SLC1A3: variants seen among roughly 807,000 people sequenced by gnomAD.
SLC1A3 encodes solute carrier family 1 member 3.
SLC1A3 carries 21 observed loss-of-function variants against 48.1 expected under a neutral mutation model. The ratio of observed to expected loss-of-function variants is 0.44; its 90% CI spans 0.31 to 0.63. The LOEUF (loss-of-function observed/expected upper bound fraction) is 0.63. Ranked by LOEUF, SLC1A3 falls within the 20% of genes least tolerant of loss-of-function variation. The pLI is 0.08. For synonymous variants in SLC1A3, 239 were observed against 251.4 expected, an observed-to-expected ratio of 0.95 and a Z score of 0.47; for missense variants, 546 against 689.0, an observed-to-expected ratio of 0.79 and a Z score of 2.32.
At position 36,679,689 on chromosome 5, in the gene SLC1A3, G is replaced by A; in HGVS notation, c.923G>A (p.Gly308Asp). The change falls in exon 7 of 10, where the codon GGT (glycine) becomes GAT (aspartate). Residue 308 changes from glycine to aspartate, a missense_variant. Physicochemically the swap from Gly to Asp is moderately conservative, Grantham distance 94 (BLOSUM62 -1). Transcript: ENST00000265113. Reference sequence around the variant, plus strand: ...AAGATTGTGGAGATGGAAGACATGGGTGTGATTGGGGGGCAGCTTGCCATG... The same window carrying A: ...AAGATTGTGGAGATGGAAGACATGGATGTGATTGGGGGGCAGCTTGCCATG... ...AGKIVEMEDM[G>D]VIGGQLAMYT... is the part of the protein sequence containing the mutation. 6.2e-7 allele frequency: 1 copy of A among 1,614,178 alleles called. No homozygotes were observed. The highest frequency in any genetic ancestry group is 8.5e-7 in the Non-Finnish European group (1 of 1,180,028).
chr5:36,654,267 C>G (rs1247143859), intron 3 of SLC1A3, among the ~76,000 whole-genome samples: 2 of 152,202 alleles, frequency 1.3e-5, no homozygotes, highest in Admixed American at 6.5e-5. Context: ...AGAAAACACT[C>G]TGTGAGTGGG....
At chr5:36,632,496 C>T (rs1740173549) in intron 3 of SLC1A3, among the ~76,000 whole-genome samples, 1 of 152,232 alleles carries the variant, frequency 6.6e-6, no homozygotes, top group African/African-American at 2.4e-5. Flanking sequence ...AAAGCCTCTT[C>T]TCTCCATCTT....
At chr5:36,597,176 A>G (rs1738752184) in intron 1 of SLC1A3, among the ~76,000 whole-genome samples, 1 of 149,202 alleles carries the variant, frequency 6.7e-6, no homozygotes, top group Non-Finnish European at 1.5e-5. Context: ...TCCAAAGTGC[A>G]TTAATATAAA....
chr5:36,612,850 G>C (rs1227562545), intron 2 of SLC1A3: 1 of 455,834 alleles, frequency 2.2e-6, no homozygotes, highest in Admixed American at 2.4e-5. Flanking sequence ...CACTGTTCTG[G>C]GTGCTATAAC....
chr5:36,602,007 G>C (rs528619887), upstream of SLC1A3, among the ~76,000 whole-genome samples: 1 of 152,244 alleles, frequency 6.6e-6, no homozygotes, highest in Non-Finnish European at 1.5e-5. Context: ...TCTAGACAGG[G>C]AGAATTGCAG....
intron 3 of SLC1A3, among the ~76,000 whole-genome samples, chr5:36,651,459 T>C (rs2111848031): frequency 6.6e-6 from 1 of 152,242 alleles, no homozygotes; most frequent in Admixed American, 6.5e-5. Context: ...TTCCCCACAT[T>C]GCTTTTGGAA....
chr5:36,603,983 T>C (rs939212123), upstream of SLC1A3, among the ~76,000 whole-genome samples: 2 of 152,238 alleles, frequency 1.3e-5, no homozygotes, highest in African/African-American at 4.8e-5. Context: ...GCCTGTACCA[T>C]GCTAAGATCA....
At chr5:36,681,827 TA>T (rs1580048591) in intron 8 of SLC1A3, among the ~76,000 whole-genome samples, 1 of 152,296 alleles carries the variant, frequency 6.6e-6, no homozygotes, top group East Asian at 1.9e-4. Context: ...GGGTTTTTTT[TA>T]AATTGTTATT....
chr5:36,673,922 A>G, intron 4 of SLC1A3, 127 bp from the exon 5 acceptor site: 1 of 778,246 alleles, frequency 1.3e-6, no homozygotes, highest in Admixed American at 1.8e-5. Context: ...AAAATCCACT[A>G]ACATTTTTGT....
At chr5:36,673,292 T>C (rs984806248) in intron 4 of SLC1A3, among the ~76,000 whole-genome samples, 5 of 152,174 alleles carry the variant, frequency 3.3e-5, no homozygotes, top group Non-Finnish European at 7.3e-5. Flanking sequence ...TCTTTCATCT[T>C]GGAGCTCTAA....
intron 3 of SLC1A3, among the ~76,000 whole-genome samples, chr5:36,649,652 T>G (rs997713657): frequency 4.6e-5 from 7 of 152,224 alleles, no homozygotes; most frequent in Admixed American, 4.6e-4. Flanking sequence ...ACAGTTCACT[T>G]TGAGAAAATA....
intron 7 of SLC1A3, 56 bp from the exon 8 acceptor site, chr5:36,680,339 A>G (rs1196706259): frequency 2.3e-5 from 33 of 1,460,536 alleles, no homozygotes; most frequent in Non-Finnish European, 3.2e-5. Context: ...CCAAACGCAC[A>G]GACAGTCAGA....
chr5:36,671,002 T>G, intron 3 of SLC1A3, 27 bp from the exon 4 acceptor site: 3 of 1,606,834 alleles, frequency 1.9e-6, no homozygotes, highest in Non-Finnish European at 8.5e-7. Context: ...ACTGACTTCC[T>G]GAAAATCTTC....
intron 5 of SLC1A3, among the ~76,000 whole-genome samples, chr5:36,674,669 G>T (rs764670449): frequency 6.6e-6 from 1 of 152,036 alleles, no homozygotes; most frequent in African/African-American, 2.4e-5. Flanking sequence ...TTTCACTGAT[G>T]GGGCAGCTCA....
At chr5:36,673,337 A>G (rs1207970135) in intron 4 of SLC1A3, among the ~76,000 whole-genome samples, 1 of 152,220 alleles carries the variant, frequency 6.6e-6, no homozygotes, top group East Asian at 1.9e-4. Context: ...TTAAGAGATG[A>G]GTCAAATGAG....
intron 1 of SLC1A3, among the ~76,000 whole-genome samples, chr5:36,600,653 G>A (rs137902432): frequency 1.1e-3 from 168 of 152,242 alleles, no homozygotes; most frequent in African/African-American, 3.9e-3. Flanking sequence ...AAAATGAACT[G>A]CCTCATAAGG....
Position 36,676,999 on chromosome 5 carries a change from C to G in SLC1A3, c.675C>G (p.Thr225=), listed in dbSNP as rs564543974. ...TGTCTGAGGCCATGGAGACTCTTAC[C>G]CGAATCACAGAGGAGCTGGTCCCAG... is the stretch of plus-strand genomic sequence containing the variant. The part of the protein sequence containing the change: ...NNVSEAMETL[T]RITEELVPVP... The change falls in exon 6 of 10, where the codon ACC becomes ACG. Residue 225 remains threonine (T), a synonymous_variant. Coordinates refer to ENST00000265113, the MANE Select transcript of SLC1A3 (RefSeq NM_004172.5). 2.5e-6 allele frequency: 4 copies of G among 1,613,950 alleles called. No individual in the cohort carries two copies. In the African/African-American group the frequency reaches 5.3e-5, roughly 22 times the overall value.
chr5:36,608,643 G>C (rs1205171325), intron 2 of SLC1A3, 39 bp downstream of exon 2: 2 of 1,609,100 alleles, frequency 1.2e-6, no homozygotes, highest in Non-Finnish European at 1.7e-6. Flanking sequence ...CCTGTATCTT[G>C]TTTCTCTGGG....
At chr5:36,670,910 A>T (rs1213160770) in intron 3 of SLC1A3, 119 bp from the exon 4 acceptor site, 3 of 893,588 alleles carry the variant, frequency 3.4e-6, no homozygotes, top group Non-Finnish European at 5.4e-6. Context: ...ACATGTACGA[A>T]ATCCCATGGC....
Sources: gnomAD v4.1 joint callset for allele counts (sites outside exome capture counted in the v4.1 genomes callset) on GRCh38, gnomAD v4.1.1 for gene constraint, MANE v1.5 for transcripts, NCBI Gene and HGNC (gene_info 2026-07-23, HGNC 2026-07-21) for gene names.